Variants in WDR12 observed in about 807,000 individuals in gnomAD.
The protein encoded by WDR12 is WD repeat domain 12.
In WDR12, 42 loss-of-function variants were observed where a neutral mutation model predicts 64.3. The observed-to-expected ratio is 0.65, with a 90% CI of 0.51 to 0.84. The LOEUF is 0.84. Ranked by LOEUF, WDR12 falls within the 40% of genes least tolerant of loss-of-function variation. The pLI, the probability that WDR12 is intolerant of heterozygous loss-of-function variation, is 0.00. For synonymous variants in WDR12, 158 were observed against 173.3 expected (o/e 0.91, Z 0.70); for missense variants, 469 against 494.6 (o/e 0.95, Z 0.49).
In WDR12 at chr2:202,901,077, T is replaced by C. The variant is rs148473694; in HGVS notation, c.179A>G (p.Gln60Arg). 3.0e-4 allele frequency: 482 copies of C among 1,601,302 alleles called. 1 individual carries two copies. The African/African-American group carries it at 6.0e-3, about 20-fold the overall frequency. The part of the protein sequence containing the change: ...HVEFDFLIKG[Q>R]FLRMPLDKHM... ...TTTGTCCAAGGGCATTCGCAGAAAC[T>C]GGCCCTTAATAAGGAAATCAAACTC... is the stretch of plus-strand genomic sequence containing the variant. The change falls in exon 3 of 13, where the codon CAG becomes CGG. Residue 60 changes from glutamine (Q) to arginine (R), a missense_variant. Transcript: ENST00000261015.
In WDR12 at chr2:202,900,014, C is replaced by G. The variant is rs183701390; in HGVS notation, c.232-377G>C. ...TAATCGCCTTGTACAACTTATGCTG[C>G]AAATGGGGGGGAAAGGAATATAAGA... On this transcript the variant is annotated intron_variant, in intron 3 of 12. Transcript: ENST00000261015. Among the ~76,000 whole-genome samples the G allele has an allele frequency of 5.9e-5, 9 of 152,162 alleles. No individual in the cohort carries two copies. In the East Asian group the frequency reaches 1.5e-3, roughly 26 times the overall value.
Position 202,882,768 on chromosome 2 carries a change from G to C in WDR12, c.1137C>G (p.Leu379=), listed in dbSNP as rs1687978232. 1.9e-6 allele frequency: 3 copies of C among 1,614,038 alleles called. No homozygotes were observed. The highest frequency in any genetic ancestry group is 2.2e-5 in the East Asian group (1 of 44,874). The change falls in exon 12 of 13, where the codon CTC becomes CTG. Residue 379 remains leucine, a synonymous_variant. Transcript: ENST00000261015. ...LWDTRSCKAP[L]YDLAAHEDKV... ...TGTCTTCATGAGCAGCCAGATCATA[G>C]AGAGGAGCCTTACAACTAAAAGATG...
At chr2:202,902,135 T>C (rs1559163467) in intron 2 of WDR12, among the ~76,000 whole-genome samples, 1 of 152,164 alleles carries the variant, frequency 6.6e-6, no homozygotes. Context: ...ATGTTCGGTC[T>C]ATATGTTTAG....
intron 4 of WDR12, among the ~76,000 whole-genome samples, chr2:202,897,815 GGAGGCAGAGCTTGCAGT>G (rs1166147043): frequency 2.1e-5 from 3 of 145,080 alleles, no homozygotes; most frequent in African/African-American, 7.7e-5. Flanking sequence ...CGTGAACCCA[GGAGGCAGAGCTTGCAGT>G]GAGCCGAGAT....
intron 7 of WDR12, among the ~76,000 whole-genome samples, chr2:202,893,842 T>C (rs978257646): frequency 1.3e-5 from 2 of 152,178 alleles, no homozygotes; most frequent in Non-Finnish European, 2.9e-5. Flanking sequence ...TTTTAATCTA[T>C]GCTTTCAGAG....
intron 4 of WDR12, among the ~76,000 whole-genome samples, chr2:202,899,043 T>TG: frequency 7.7e-6 from 1 of 129,842 alleles, no homozygotes; most frequent in Admixed American, 7.7e-5. Flanking sequence ...TTTTTTTTTT[T>TG]TTTTTTTTTT....
At chr2:202,905,539 TACA>T (rs2105912094) in intron 2 of WDR12, among the ~76,000 whole-genome samples, 1 of 152,302 alleles carries the variant, frequency 6.6e-6, no homozygotes, top group Non-Finnish European at 1.5e-5. Context: ...TGTCAATTAG[TACA>T]ACTACTATGG....
chr2:202,891,039 T>G (rs1352924672), intron 8 of WDR12, among the ~76,000 whole-genome samples: 1 of 150,742 alleles, frequency 6.6e-6, no homozygotes, highest in Non-Finnish European at 1.5e-5. Flanking sequence ...AGCTACCTTC[T>G]CAGTAAAACA....
Position 202,884,211 on chromosome 2 carries a change from A to T in WDR12, c.975T>A (p.Asp325Glu). ...TACATGACTCACCTTTAGTTCGGGG[A>T]TCCCACAGTCTGATATGCCTATCTG... is the stretch of plus-strand genomic sequence containing the variant. ...GSTDRHIRLW[D>E]PRTKDGSLVS... Residue 325 changes from aspartate (D) to glutamate (E), a missense_variant, in exon 10 of 13, where the codon GAT becomes GAA. Asp to Glu is a conservative substitution (Grantham distance 45). Coordinates refer to ENST00000261015, the MANE Select transcript of WDR12 (RefSeq NM_018256.4). 1 of 1,612,914 alleles carries T rather than the reference A, an allele frequency of 6.2e-7. No individual in the cohort carries two copies.
intron 2 of WDR12, 94 bp from the exon 3 acceptor site, chr2:202,901,213 T>G: frequency 1.4e-6 from 1 of 731,244 alleles, no homozygotes; most frequent in Non-Finnish European, 2.1e-6. Context: ...AGGTACCTAT[T>G]ATCCCAGTGT....
At chr2:202,902,754 A>C (rs1688370899) in intron 2 of WDR12, among the ~76,000 whole-genome samples, 1 of 152,128 alleles carries the variant, frequency 6.6e-6, no homozygotes, top group South Asian at 2.1e-4. Context: ...TCTTGCAGAC[A>C]GCCTATCGTA....
At chr2:202,898,882 C>G (rs995800504) in intron 4 of WDR12, among the ~76,000 whole-genome samples, 15 of 148,302 alleles carry the variant, frequency 1.0e-4, no homozygotes, top group Non-Finnish European at 1.8e-4. Flanking sequence ...GAGGCTGAGG[C>G]AGGAGGACTG....
chr2:202,894,173 CTT>C (rs1483998972), intron 7 of WDR12, among the ~76,000 whole-genome samples: 2 of 151,234 alleles, frequency 1.3e-5, no homozygotes, highest in Non-Finnish European at 2.9e-5. Flanking sequence ...ATACTGGTCT[CTT>C]TTTATGGCAA....
rs371824357 is a variant in WDR12, at chr2:202,901,019, A to G, written c.231+6T>C. 17 of 1,576,438 alleles carry G rather than the reference A, an allele frequency of 1.1e-5. No individual in the cohort carries two copies. Among genetic ancestry groups the G allele is most frequent in the Non-Finnish European group, 1.5e-5 (17 of 1,154,602 alleles). ...TGAAATACAGAAGATAAGAATTTGA[A>G]CTTACTGATGAGATGTTCTCCATTT... On this transcript the variant is annotated splice_donor_region_variant and intron_variant, in intron 3 of 12. Coordinates refer to ENST00000261015, the MANE Select transcript of WDR12 (RefSeq NM_018256.4).
In WDR12 at chr2:202,875,519, G is replaced by A. The variant is rs1687844330; in HGVS notation, c.*5341C>T. The A allele has an allele frequency of 6.6e-6, 1 of 151,732 alleles. No individual in the cohort carries two copies. The highest frequency in any genetic ancestry group is 1.5e-5 in the Non-Finnish European group (1 of 68,080). The allele number at this position is 151,732 out of a possible 1,614,324, so 9.4% of individuals were successfully genotyped here. ...TTCTTCTGCCTCAGCCTTCCAAGTA[G>A]CTGGGATTACAGGCATGTGCCACTA... is the stretch of plus-strand genomic sequence containing the variant. On this transcript the variant is annotated 3_prime_UTR_variant, in exon 13 of 13. Coordinates refer to ENST00000261015, the MANE Select transcript of WDR12 (RefSeq NM_018256.4).
At chr2:202,903,469 A>T (rs1688389158) in intron 2 of WDR12, among the ~76,000 whole-genome samples, 2 of 108,530 alleles carry the variant, frequency 1.8e-5, no homozygotes, top group Non-Finnish European at 4.2e-5. Context: ...GGAAGGAAGG[A>T]AGGAAGGAAG....
intron 8 of WDR12, among the ~76,000 whole-genome samples, chr2:202,886,938 A>G (rs546911911): frequency 1.3e-5 from 2 of 152,286 alleles, no homozygotes; most frequent in Admixed American, 1.3e-4. Flanking sequence ...CAGCAAGTAA[A>G]TATTTCAGCC....
chr2:202,899,724 C>T, intron 3 of WDR12, 87 bp from the exon 4 acceptor site: 1 of 1,159,208 alleles, frequency 8.6e-7, no homozygotes, highest in Non-Finnish European at 1.3e-6. Flanking sequence ...TAATATATCT[C>T]CTTTATATCC....
intron 5 of WDR12, among the ~76,000 whole-genome samples, chr2:202,896,610 G>C (rs1468959369): frequency 6.6e-6 from 1 of 152,170 alleles, no homozygotes; most frequent in African/African-American, 2.4e-5. Flanking sequence ...AGAATCACTT[G>C]AACTCAGGAG....
Sources: gnomAD v4.1 joint callset for allele counts (sites outside exome capture counted in the v4.1 genomes callset) on GRCh38, gnomAD v4.1.1 for gene constraint, MANE v1.5 for transcripts, NCBI Gene and HGNC (gene_info 2026-07-23, HGNC 2026-07-21) for gene names.